MRTFA: variants seen among roughly 807,000 people sequenced by gnomAD.
The protein encoded by MRTFA is myocardin-related transcription factor A.
In MRTFA, 20 loss-of-function variants were observed where a neutral mutation model predicts 83.5. The observed-to-expected ratio is 0.24, with a 90% CI of 0.17 to 0.35. The LOEUF (loss-of-function observed/expected upper bound fraction) is 0.35. Ranked by LOEUF, MRTFA falls within the 10% of genes least tolerant of loss-of-function variation. MRTFA has a pLI of 1.00. For synonymous variants in MRTFA, 659 were observed against 541.2 expected (o/e 1.22, Z -3.02); for missense variants, 1,200 against 1,224.7 (o/e 0.98, Z 0.30).
At chr22:40,611,167 G>C (rs1187195995) in intron 1 of MRTFA, among the ~76,000 whole-genome samples, 1 of 151,878 alleles carries the variant, frequency 6.6e-6, no homozygotes, top group Non-Finnish European at 1.5e-5. Flanking sequence ...TCGAACTCCT[G>C]ACCTAAAGTG....
At chr22:40,579,652 G>C (rs1181178459) in intron 2 of MRTFA, among the ~76,000 whole-genome samples, 1 of 152,042 alleles carries the variant, frequency 6.6e-6, no homozygotes, top group Non-Finnish European at 1.5e-5. Context: ...CTGAGGTCAG[G>C]AGTTCAAGAC....
chr22:40,499,886 G>A (rs1334484974), intron 3 of MRTFA, among the ~76,000 whole-genome samples: 1 of 145,548 alleles, frequency 6.9e-6, no homozygotes, highest in Non-Finnish European at 1.5e-5. Flanking sequence ...AGAAGCAGAG[G>A]AAACCTGGAC....
At chr22:40,548,358 CAAAAAAA>C (rs10664022) in intron 3 of MRTFA, among the ~76,000 whole-genome samples, 1 of 66,150 alleles carries the variant, frequency 1.5e-5, no homozygotes, top group Non-Finnish European at 2.6e-5. Context: ...GACTCCGTCT[CAAAAAAA>C]AAAAAAAAAA....
intron 1 of MRTFA, among the ~76,000 whole-genome samples, chr22:40,620,714 A>C (rs1239409383): frequency 1.3e-5 from 2 of 152,102 alleles, no homozygotes; most frequent in African/African-American, 2.4e-5. Context: ...GCCAACCATA[A>C]GCAGAAGGTA....
intron 3 of MRTFA, among the ~76,000 whole-genome samples, chr22:40,525,363 G>T (rs2054949930): frequency 6.6e-6 from 1 of 151,972 alleles, no homozygotes; most frequent in Non-Finnish European, 1.5e-5. Context: ...TTGCTATGTT[G>T]CCCAGGCTGG....
rs183206157 is a variant in MRTFA, at chr22:40,558,094, T to C, written c.-21-5727A>G. On this transcript the variant is annotated intron_variant, in intron 2 of 14. Transcript: ENST00000355630. ...GTCCAGCCTTTTTCTTTCTTTCTTTTTTTTTTTAAGGGACAGGGTCTCTCT... is the reference window on the plus strand; with the variant it reads ...GTCCAGCCTTTTTCTTTCTTTCTTTCTTTTTTTAAGGGACAGGGTCTCTCT... 2.4e-4 allele frequency among the ~76,000 whole-genome samples: 36 copies of C among 151,330 alleles called. 1 individual carries two copies. The highest frequency in any genetic ancestry group is 3.9e-4 in the African/African-American group (16 of 41,212).
intron 3 of MRTFA, among the ~76,000 whole-genome samples, chr22:40,547,430 G>A (rs1001932984): frequency 3.3e-5 from 5 of 152,116 alleles, no homozygotes; most frequent in Admixed American, 2.6e-4. Context: ...CTGAGGAAAT[G>A]ACATTTGTGC....
chr22:40,509,647 C>T (rs1033571425), intron 3 of MRTFA, among the ~76,000 whole-genome samples: 1 of 152,196 alleles, frequency 6.6e-6, no homozygotes, highest in Non-Finnish European at 1.5e-5. Context: ...ACTGCTTTCT[C>T]CTAGTGGAAA....
At chr22:40,583,831 G>A (rs1057055527) in intron 2 of MRTFA, among the ~76,000 whole-genome samples, 1 of 152,142 alleles carries the variant, frequency 6.6e-6, no homozygotes, top group African/African-American at 2.4e-5. Context: ...TTTCTTCCAC[G>A]AAACTGGTCC....
rs1261743058 is a variant in MRTFA at position 40,634,000 on chromosome 22, C to T, written c.-84+2478G>A. Among the ~76,000 whole-genome samples the T allele has an allele frequency of 2.0e-5, 3 of 152,136 alleles. No individual in the cohort carries two copies. In the East Asian group the frequency reaches 5.8e-4, roughly 29 times the overall value. Reference sequence around the variant, plus strand: ...TTTCCCTATCCTAAAGCAACACAATCAAAGCCTAGCTTTTATGTAGTGGGC... The same window carrying T: ...TTTCCCTATCCTAAAGCAACACAATTAAAGCCTAGCTTTTATGTAGTGGGC... On this transcript the variant is annotated intron_variant, in intron 1 of 14. Transcript: ENST00000355630.
At chr22:40,466,998 C>T (rs946610771) in intron 3 of MRTFA, among the ~76,000 whole-genome samples, 2 of 152,000 alleles carry the variant, frequency 1.3e-5, no homozygotes, top group Admixed American at 1.3e-4. Context: ...TATACACACA[C>T]ATATACAGCT....
chr22:40,483,529 CAAA>C (rs34088815), intron 3 of MRTFA, among the ~76,000 whole-genome samples: 1 of 151,248 alleles, frequency 6.6e-6, no homozygotes, highest in Non-Finnish European at 1.5e-5. Context: ...ACTAAAAATA[CAAA>C]AAAGTAGCCG....
intron 3 of MRTFA, among the ~76,000 whole-genome samples, chr22:40,542,870 A>G (rs2055311947): frequency 6.6e-6 from 1 of 152,206 alleles, no homozygotes; most frequent in Non-Finnish European, 1.5e-5. Context: ...CAAGAACACT[A>G]GAGGGATATA....
intron 2 of MRTFA, chr22:40,586,888 CTGCTGGT>C (rs2056036898): frequency 2.9e-5 from 6 of 205,524 alleles, no homozygotes; most frequent in Non-Finnish European, 5.5e-5. Flanking sequence ...GCCTCTAGTG[CTGCTGGT>C]GCTGCTGGTG....
intron 2 of MRTFA, among the ~76,000 whole-genome samples, chr22:40,566,109 TGAA>T (rs1457455043): frequency 6.6e-6 from 1 of 152,170 alleles, no homozygotes; most frequent in Non-Finnish European, 1.5e-5. Context: ...CTTGGTATCT[TGAA>T]GGAACTAAAT....
intron 2 of MRTFA, among the ~76,000 whole-genome samples, chr22:40,585,455 G>GT (rs2056014464): frequency 6.6e-6 from 1 of 152,058 alleles, no homozygotes; most frequent in Non-Finnish European, 1.5e-5. Flanking sequence ...TAGAGTTTCC[G>GT]TTTCACAAGC....
chr22:40,627,163 T>C (rs133045), intron 1 of MRTFA, among the ~76,000 whole-genome samples: 41,138 of 152,120 alleles, frequency 0.27, 7,167 homozygotes, highest in East Asian at 0.62. Flanking sequence ...ATTTTTTTGT[T>C]TCTGAGACAG....
chr22:40,446,083 T>A (rs1271824673), intron 4 of MRTFA, among the ~76,000 whole-genome samples: 1 of 152,220 alleles, frequency 6.6e-6, no homozygotes, highest in Non-Finnish European at 1.5e-5. Flanking sequence ...GGGCATATGT[T>A]ATCAGGCTGT....
Position 40,426,406 on chromosome 22 carries a change from A to G in MRTFA, c.602-2025T>C, listed in dbSNP as rs191984800. 2.6e-3 allele frequency among the ~76,000 whole-genome samples: 394 copies of G among 152,108 alleles called. 1 individual carries two copies. Among genetic ancestry groups the G allele is most frequent in the Non-Finnish European group, 4.2e-3 (284 of 67,986 alleles). The stretch of plus-strand genomic sequence containing the variant: ...CCTGAAAATCCCTCCTTAAGCCAGC[A>G]CCTGCCTCTGCTTTCCTTCTCCACA... On this transcript the variant is annotated intron_variant, in intron 7 of 14. Transcript: ENST00000355630.
Sources: allele counts gnomAD v4.1 joint callset (sites outside exome capture counted in the v4.1 genomes callset), GRCh38; gene constraint gnomAD v4.1.1; transcripts MANE v1.5; gene names NCBI Gene and HGNC (gene_info 2026-07-23, HGNC 2026-07-21).